Variants in ITGB1 observed in about 807,000 individuals in gnomAD.
The protein encoded by ITGB1 is integrin subunit beta 1.
In ITGB1, 24 loss-of-function variants were observed where a neutral mutation model predicts 86.5. The ratio of observed to expected loss-of-function variants is 0.28; its 90% CI spans 0.20 to 0.39. ITGB1 has a LOEUF of 0.39. Ranked by LOEUF, ITGB1 falls within the 10% of genes least tolerant of loss-of-function variation. ITGB1 has a pLI of 1.00. For synonymous variants in ITGB1, 323 were observed against 316.8 expected (o/e 1.02, Z -0.21); for missense variants, 556 against 946.9 (o/e 0.59, Z 5.42).
Position 32,935,523 on chromosome 10 carries a change from G to A in ITGB1, c.36C>T (p.Ile12=). 6.2e-7 allele frequency: 1 copy of A among 1,613,368 alleles called. No homozygotes were observed. The highest frequency in any genetic ancestry group is 8.5e-7 in the Non-Finnish European group (1 of 1,179,462). Residue 12 remains isoleucine, a synonymous_variant, in exon 2 of 16, where the codon ATC becomes ATT. Transcript: ENST00000302278. ...NLQPIFWIGL[I]SSVCCVFAQT... ...GAGCAAACACACAGCAAACTGAACT[G>A]ATCAGTCCAATCCAGAAAATTGGTT...
At position 32,952,883 on chromosome 10, in the gene ITGB1, T is replaced by C. The variant is rs191951001; in HGVS notation, c.-1+5262A>G. Among the ~76,000 whole-genome samples the C allele has an allele frequency of 4.9e-4, 74 of 152,310 alleles. No homozygotes were observed. The Middle Eastern group carries it at 0.014, about 28-fold the overall frequency. On this transcript the variant is annotated intron_variant, in intron 1 of 15. Coordinates refer to ENST00000302278, the MANE Select transcript of ITGB1 (RefSeq NM_002211.4). ...ACAAATCTTCAGTGATGCTTAATAA[T>C]ATAGTGTTATTTCTATTCAAACTTC...
intron 1 of ITGB1, chr10:32,945,083 G>A: frequency 2.2e-6 from 1 of 451,816 alleles, no homozygotes; most frequent in East Asian, 4.4e-5. Flanking sequence ...AAGACCTCCA[G>A]CATGTATGAA....
intron 1 of ITGB1, among the ~76,000 whole-genome samples, chr10:32,937,309 G>C (rs146103495): frequency 1.3e-5 from 2 of 152,172 alleles, no homozygotes; most frequent in Non-Finnish European, 2.9e-5. Flanking sequence ...CTGTAATCCA[G>C]CACTTTGGGA....
At chr10:32,932,625 A>AGGCTTTC in intron 2 of ITGB1, 25 bp from the exon 3 acceptor site, 1 of 1,287,568 alleles carries the variant, frequency 7.8e-7, no homozygotes. Flanking sequence ...AAAGAACAGA[A>AGGCTTTC]CATTTTATGT....
intron 6 of ITGB1, among the ~76,000 whole-genome samples, chr10:32,925,656 AAACT>A (rs2094962235): frequency 1.3e-5 from 2 of 152,250 alleles, no homozygotes; most frequent in Admixed American, 6.5e-5. Context: ...CCGCATGAAT[AAACT>A]AACTGTGTGG....
intron 1 of ITGB1, among the ~76,000 whole-genome samples, chr10:32,945,366 G>A (rs756644391): frequency 2.6e-5 from 4 of 152,094 alleles, no homozygotes; most frequent in African/African-American, 7.2e-5. Context: ...TTGGGAGGCC[G>A]AGATGGTGCA....
At chr10:32,913,483 T>C (rs1344832937) in intron 11 of ITGB1, among the ~76,000 whole-genome samples, 1 of 152,138 alleles carries the variant, frequency 6.6e-6, no homozygotes, top group Non-Finnish European at 1.5e-5. Flanking sequence ...AATGACCTGA[T>C]GGAGCGGAAA....
At chr10:32,945,059 A>G (rs955666355) in intron 1 of ITGB1, 12 of 522,286 alleles carry the variant, frequency 2.3e-5, no homozygotes, top group Admixed American at 1.1e-4. Flanking sequence ...TTGAATTTAA[A>G]AACTGCTTTT....
intron 11 of ITGB1, among the ~76,000 whole-genome samples, chr10:32,918,614 A>G (rs2094939329): frequency 6.6e-6 from 1 of 152,218 alleles, no homozygotes; most frequent in South Asian, 2.1e-4. Context: ...TCAGGAAAGT[A>G]ACCATTTTGG....
At chr10:32,930,415 C>T (rs1456206660) in intron 3 of ITGB1, among the ~76,000 whole-genome samples, 1 of 152,122 alleles carries the variant, frequency 6.6e-6, no homozygotes, top group Non-Finnish European at 1.5e-5. Flanking sequence ...CAAAATTTCC[C>T]TTTGAAAAGT....
chr10:32,953,755 C>T (rs2095047099), intron 1 of ITGB1: 1 of 152,180 alleles, frequency 6.6e-6, no homozygotes, highest in Non-Finnish European at 1.5e-5. Context: ...CCCAGGTTTC[C>T]TGTCTCCCAA....
At chr10:32,926,198 T>C (rs2094963968) in intron 5 of ITGB1, 89 bp from the exon 6 acceptor site, 1 of 992,676 alleles carries the variant, frequency 1.0e-6, no homozygotes, top group African/African-American at 1.6e-5. Context: ...TTCATCTATG[T>C]TACCAAATGT....
intron 1 of ITGB1, among the ~76,000 whole-genome samples, chr10:32,937,488 G>A (rs982049296): frequency 6.6e-6 from 1 of 150,786 alleles, no homozygotes; most frequent in Admixed American, 6.6e-5. Flanking sequence ...CCCGGGAGGC[G>A]GAGGTTGCAG....
rs1291447567 is a variant in ITGB1, at chr10:32,919,887, G to A, written c.1467C>T (p.Cys489=). Residue 489 remains cysteine (C), a splice_region_variant and synonymous_variant, in exon 11 of 16, where the codon TGC becomes TGT. Coordinates refer to ENST00000302278, the MANE Select transcript of ITGB1 (RefSeq NM_002211.4). The part of the protein sequence containing the change: ...EGNGTFECGA[C]RCNEGRVGRH... ...CTGTCTGACAACACCCAGCTTACCT[G>A]CACGCGCCACACTCAAATGTCCCAT... is the stretch of plus-strand genomic sequence containing the variant. 1.9e-6 allele frequency: 3 copies of A among 1,613,822 alleles called. No individual in the cohort carries two copies. Among genetic ancestry groups the A allele is most frequent in the Non-Finnish European group, 8.5e-7 (1 of 1,179,796 alleles).
chr10:32,916,028 T>A (rs1043090303), intron 11 of ITGB1, among the ~76,000 whole-genome samples: 2 of 152,164 alleles, frequency 1.3e-5, no homozygotes, highest in African/African-American at 4.8e-5. Context: ...ATAAACGTAA[T>A]CCATCATATA....
intron 11 of ITGB1, among the ~76,000 whole-genome samples, chr10:32,917,178 T>C (rs2094934487): frequency 6.6e-6 from 1 of 152,090 alleles, no homozygotes; most frequent in African/African-American, 2.4e-5. Context: ...TTACACCTTA[T>C]ACAAAAATTA....
chr10:32,922,859 GATTAC>G, intron 7 of ITGB1, 124 bp from the exon 8 acceptor site: 1 of 578,944 alleles, frequency 1.7e-6, no homozygotes. Flanking sequence ...TAGATAACTA[GATTAC>G]ATATATAATC....
intron 1 of ITGB1, among the ~76,000 whole-genome samples, chr10:32,953,193 G>T (rs779619894): frequency 6.6e-6 from 1 of 152,090 alleles, no homozygotes; most frequent in African/African-American, 2.4e-5. Context: ...AACCACACAA[G>T]CCAATGCTGA....
At chr10:32,958,107 G>T (rs1202916649) in intron 1 of ITGB1, 38 bp downstream of exon 1, 2 of 150,352 alleles carry the variant, frequency 1.3e-5, no homozygotes, top group African/African-American at 2.4e-5. Flanking sequence ...CGGAGGCCGC[G>T]GCCCGCGCTC....
Sources: allele counts gnomAD v4.1 joint callset (sites outside exome capture counted in the v4.1 genomes callset), GRCh38; gene constraint gnomAD v4.1.1; transcripts MANE v1.5; gene names NCBI Gene and HGNC (gene_info 2026-07-23, HGNC 2026-07-21).